The following IL2RA variants were observed in gnomAD, a reference collection of about 807,000 sequenced individuals.
IL2RA encodes the protein interleukin-2 receptor subunit alpha.
Under a neutral mutation model 37.8 loss-of-function variants are expected in IL2RA, and 24 were observed. That is an observed-to-expected ratio of 0.63 (90% CI 0.46 to 0.89). IL2RA has a LOEUF of 0.89. Ranked by LOEUF, IL2RA falls within the 40% of genes least tolerant of loss-of-function variation. The pLI is 0.00. For synonymous variants in IL2RA, 125 were observed against 114.6 expected, an observed-to-expected ratio of 1.09 and a Z score of -0.58; for missense variants, 319 against 348.6, an observed-to-expected ratio of 0.92 and a Z score of 0.68.
chr10:6,053,784 T>G lies in IL2RA; in HGVS notation c.64+8304A>C, dbSNP rs547020268. Among the ~76,000 whole-genome samples the G allele has an allele frequency of 8.1e-4, 124 of 152,364 alleles. 1 individual carries two copies. Among genetic ancestry groups the G allele is most frequent in the Middle Eastern group, 3.4e-3 (1 of 294 alleles). On this transcript the variant is annotated intron_variant, in intron 1 of 7. Coordinates refer to ENST00000379959, the MANE Select transcript of IL2RA (RefSeq NM_000417.3). ...TGCTGGGATTACAGGAATGAGCCAC[T>G]GCACCTGGCTGCAGCTTCCTTTTTA... is the stretch of plus-strand genomic sequence containing the variant.
At chr10:6,045,097 C>A (rs547309391) in intron 1 of IL2RA, among the ~76,000 whole-genome samples, 3 of 152,296 alleles carry the variant, frequency 2.0e-5, no homozygotes, top group Admixed American at 6.5e-5. Context: ...AAGGAGGAGA[C>A]CTTGGCTTCA....
chr10:6,045,440 C>T (rs1839836957), intron 1 of IL2RA, among the ~76,000 whole-genome samples: 1 of 152,046 alleles, frequency 6.6e-6, no homozygotes, highest in Non-Finnish European at 1.5e-5. Flanking sequence ...ATTTTGGGAC[C>T]TCAGATGCTT....
At chr10:6,034,442 AT>A (rs12722530) in intron 1 of IL2RA, among the ~76,000 whole-genome samples, 19,153 of 149,984 alleles carry the variant, frequency 0.13, 1,329 homozygotes, top group East Asian at 0.17. Context: ...TAAATTTGGG[AT>A]TTTTTTTTTA....
rs896256518 is a variant in IL2RA at position 6,020,165 on chromosome 10, A to T, written c.584-224T>A. On this transcript the variant is annotated intron_variant, in intron 4 of 7. Coordinates refer to ENST00000379959, the MANE Select transcript of IL2RA (RefSeq NM_000417.3). This position sits in a 1 kb window ranked among gnomAD's most constrained non-coding sequence, Gnocchi z 5.6. Reference sequence around the variant, plus strand: ...CAGACGAGGCTGAATTCTAACTCTGACCCTAGCTGTCCCCAAAACTCTGAG... The same window carrying T: ...CAGACGAGGCTGAATTCTAACTCTGTCCCTAGCTGTCCCCAAAACTCTGAG... Among the ~76,000 whole-genome samples the T allele has an allele frequency of 2.0e-5, 3 of 151,890 alleles. No homozygotes were observed. The highest frequency in any genetic ancestry group is 7.3e-5 in the African/African-American group (3 of 41,320).
At chr10:6,019,768 C>G in intron 5 of IL2RA, 102 bp downstream of exon 5, 1 of 998,310 alleles carries the variant, frequency 1.0e-6, no homozygotes, top group Non-Finnish European at 1.5e-6. Flanking sequence ...GTGGGCTTCT[C>G]CCCTACAGGT....
chr10:6,059,575 A>G (rs920271412), intron 1 of IL2RA, among the ~76,000 whole-genome samples: 3 of 152,230 alleles, frequency 2.0e-5, no homozygotes, highest in Non-Finnish European at 4.4e-5. Context: ...AGCAATATAC[A>G]GACTAAAAAT....
In IL2RA at chr10:6,036,814, TGAA is replaced by T. The variant is rs550028529; in HGVS notation, c.65-10792_65-10790del. Among the ~76,000 whole-genome samples, 4 of 151,394 alleles carry T rather than the reference TGAA, an allele frequency of 2.6e-5. No individual in the cohort carries two copies. The highest frequency in any genetic ancestry group is 4.9e-5 in the African/African-American group (2 of 40,676). ...CATTTTAGAGAGCGGACACCACTGCTGAAGAAGAAGGATATCCCGGTTGGCTGC... is the reference window on the plus strand; with the variant it reads ...CATTTTAGAGAGCGGACACCACTGCTGAAGAAGGATATCCCGGTTGGCTGC... On this transcript the variant is annotated intron_variant, in intron 1 of 7. Transcript: ENST00000379959. The surrounding 1 kb of genome is among the most constrained non-coding windows in gnomAD (Gnocchi z 6.1).
At position 6,020,326 on chromosome 10, in the gene IL2RA, G is replaced by C. The variant is rs574137660; in HGVS notation, c.584-385C>G. ...TAAGGGACAGCTGCTTCTGTGCCAG[G>C]CTCTCCACTTCTCCTGAGGGGTCAG... is the stretch of plus-strand genomic sequence containing the variant. On this transcript the variant is annotated intron_variant, in intron 4 of 7. Coordinates refer to ENST00000379959, the MANE Select transcript of IL2RA (RefSeq NM_000417.3). This position sits in a 1 kb window ranked among gnomAD's most constrained non-coding sequence, Gnocchi z 5.6. Among the ~76,000 whole-genome samples, 4 of 152,244 alleles carry C rather than the reference G, an allele frequency of 2.6e-5. No individual in the cohort carries two copies. In the South Asian group the frequency reaches 8.3e-4, roughly 32 times the overall value.
chr10:6,021,931 G>A lies in IL2RA; in HGVS notation c.368-238C>T, dbSNP rs79887257. 4.5e-3 allele frequency among the ~76,000 whole-genome samples: 688 copies of A among 152,286 alleles called. 7 individuals are homozygous for A. Among genetic ancestry groups the A allele is most frequent in the Admixed American group, 8.2e-3 (126 of 15,298 alleles). On this transcript the variant is annotated intron_variant, in intron 3 of 7. Transcript: ENST00000379959. This position sits in a 1 kb window ranked among gnomAD's most constrained non-coding sequence, Gnocchi z 4.9. ...GGTGGACAGTGGATTGGGTAAGAAA[G>A]GCATGTGAAGGATAGCAGACGTTGG...
rs1840132885 is a variant in IL2RA, at chr10:6,062,224, G to A, written c.-73C>T. 7.5e-7 allele frequency: 1 copy of A among 1,341,262 alleles called. No homozygotes were observed. Among genetic ancestry groups the A allele is most frequent in the Non-Finnish European group, 1.1e-6 (1 of 932,904 alleles). The allele number at this position is 1,341,262 out of a possible 1,614,324, so 83.1% of individuals were successfully genotyped here. ...TCTGCAGAAGGCCCAGTTGCCGTCA[G>A]CCTCTTTTTGGCATCGCGCCGGAGG... On this transcript the variant is annotated 5_prime_UTR_variant, in exon 1 of 8. Transcript: ENST00000379959.
rs960756943 is a variant in IL2RA, at chr10:6,056,545, A to G, written c.64+5543T>C. Among the ~76,000 whole-genome samples the G allele has an allele frequency of 2.6e-5, 4 of 152,146 alleles. No individual in the cohort carries two copies. Among genetic ancestry groups the G allele is most frequent in the Admixed American group, 2.0e-4 (3 of 15,284 alleles). ...TGCAGATGGATGGCTTGAGGCTCGG[A>G]GTTCAAGACCAGCCTACGCAACATA... On this transcript the variant is annotated intron_variant, in intron 1 of 7. Coordinates refer to ENST00000379959, the MANE Select transcript of IL2RA (RefSeq NM_000417.3). This position sits in a 1 kb window ranked among gnomAD's most constrained non-coding sequence, Gnocchi z 5.0.
At chr10:6,045,652 CA>C (rs1366274598) in intron 1 of IL2RA, among the ~76,000 whole-genome samples, 1 of 152,084 alleles carries the variant, frequency 6.6e-6, no homozygotes, top group African/African-American at 2.4e-5. Context: ...AGTTTTTCCT[CA>C]AATCTTTAAA....
rs1483918601 is a variant in IL2RA, at chr10:6,056,885, G to A, written c.64+5203C>T. 6.6e-6 allele frequency among the ~76,000 whole-genome samples: 1 copy of A among 152,134 alleles called. No individual in the cohort carries two copies. Among genetic ancestry groups the A allele is most frequent in the Non-Finnish European group, 1.5e-5 (1 of 68,022 alleles). On this transcript the variant is annotated intron_variant, in intron 1 of 7. Transcript: ENST00000379959. The surrounding 1 kb of genome is among the most constrained non-coding windows in gnomAD (Gnocchi z 5.0). ...GTTTGAGGGGAAAATTCCTACACAA[G>A]CAAACAAACAGCAGAGGACCCCGCC...
chr10:6,039,350 T>G (rs986417430), intron 1 of IL2RA: 1 of 152,182 alleles, frequency 6.6e-6, no homozygotes, highest in Non-Finnish European at 1.5e-5. Context: ...TAACATAACT[T>G]CAAAATACAC....
At chr10:6,026,936 T>C (rs746864639) in intron 1 of IL2RA, among the ~76,000 whole-genome samples, 1 of 152,084 alleles carries the variant, frequency 6.6e-6, no homozygotes, top group Non-Finnish European at 1.5e-5. Flanking sequence ...TAAGTGAAGC[T>C]TCTCTGTGCC....
At chr10:6,013,817 A>G (rs956662071) in intron 7 of IL2RA, among the ~76,000 whole-genome samples, 3 of 147,230 alleles carry the variant, frequency 2.0e-5, no homozygotes, top group African/African-American at 7.6e-5. Flanking sequence ...TTAAATTGTA[A>G]ATTTAAATAT....
chr10:6,057,322 G>C lies in IL2RA; in HGVS notation c.64+4766C>G, dbSNP rs910942191. Among the ~76,000 whole-genome samples, 4 of 152,142 alleles carry C rather than the reference G, an allele frequency of 2.6e-5. No individual in the cohort carries two copies. The highest frequency in any genetic ancestry group is 7.2e-5 in the African/African-American group (3 of 41,428). On this transcript the variant is annotated intron_variant, in intron 1 of 7. Coordinates refer to ENST00000379959, the MANE Select transcript of IL2RA (RefSeq NM_000417.3). The surrounding 1 kb of genome is among the most constrained non-coding windows in gnomAD (Gnocchi z 4.8). Reference sequence around the variant, plus strand: ...TGCCAGGCAGTACTTCTTCAGAGCTGGAAATAACCCACAATGAGACATCAG... The same window carrying C: ...TGCCAGGCAGTACTTCTTCAGAGCTCGAAATAACCCACAATGAGACATCAG...
At chr10:6,049,272 G>A (rs1234639534) in intron 1 of IL2RA, among the ~76,000 whole-genome samples, 6 of 152,326 alleles carry the variant, frequency 3.9e-5, no homozygotes, top group Middle Eastern at 6.8e-3. Flanking sequence ...CTTGAACAGA[G>A]AGAATGCAAC....
intron 1 of IL2RA, among the ~76,000 whole-genome samples, chr10:6,061,061 T>G (rs369526888): frequency 2.0e-5 from 3 of 152,246 alleles, no homozygotes; most frequent in East Asian, 3.9e-4. Context: ...GAAGAGTGGT[T>G]TGAGGTAGAA....
Sources: allele counts gnomAD v4.1 joint callset (sites outside exome capture counted in the v4.1 genomes callset), GRCh38; gene constraint gnomAD v4.1.1; non-coding constraint Gnocchi (gnomAD v3.1); transcripts MANE v1.5; gene names NCBI Gene and HGNC (gene_info 2026-07-23, HGNC 2026-07-21).